SGK1: variants seen among roughly 807,000 people sequenced by gnomAD.
SGK1 encodes the protein serum/glucocorticoid regulated kinase 1, also known as serine/threonine-protein kinase Sgk1.
In SGK1, 26 loss-of-function variants were observed where a neutral mutation model predicts 64.2. The ratio of observed to expected loss-of-function variants is 0.40; its 90% CI spans 0.30 to 0.56. SGK1 has a LOEUF of 0.56. Among genes scored for constraint, SGK1 ranks in the 20% least tolerant of loss-of-function variants. The probability of loss-of-function intolerance (pLI) is 0.38; values close to 1 mark genes in which losing one functional copy is unlikely to be tolerated. For synonymous variants in SGK1, 265 were observed against 239.7 expected (o/e 1.11, Z -0.98); for missense variants, 519 against 645.6 (o/e 0.80, Z 2.12).
intron 1 of SGK1, among the ~76,000 whole-genome samples, chr6:134,268,366 CTGTT>C (rs1420079502): frequency 1.3e-5 from 2 of 152,188 alleles, no homozygotes; most frequent in African/African-American, 4.8e-5. Context: ...AGCTACACAA[CTGTT>C]TGTGAAGCGC....
rs1193481902 is a variant in SGK1 at position 134,301,526 on chromosome 6, CTCTTT to C, written c.69+15861_69+15865del. On this transcript the variant is annotated intron_variant, in intron 1 of 13. Coordinates refer to ENST00000367858, the MANE Select transcript of SGK1 (RefSeq NM_001143676.3). ...ACCACCTTTTCTTCTCTTCTCTTTT[CTCTTT>C]TCTTCTCTTCTCTTCTCTTCTCTTC... Among the ~76,000 whole-genome samples the C allele has an allele frequency of 3.6e-3, 383 of 106,718 alleles. 4 individuals are homozygous for C. The highest frequency in any genetic ancestry group is 0.035 in the South Asian group (124 of 3,566). 70.0% of individuals were successfully genotyped at this position (106,718 alleles called of 152,430 possible).
chr6:134,186,657 C>G (rs1775428081), intron 3 of SGK1, among the ~76,000 whole-genome samples: 1 of 152,164 alleles, frequency 6.6e-6, no homozygotes, highest in African/African-American at 2.4e-5. Context: ...CTTTATGTGG[C>G]AGGTGACCCA....
chr6:134,242,684 C>T (rs542892940), intron 2 of SGK1, among the ~76,000 whole-genome samples: 11 of 151,082 alleles, frequency 7.3e-5, no homozygotes, highest in East Asian at 3.9e-4. Flanking sequence ...AGGCTGGTCT[C>T]GAACTCCTGG....
At chr6:134,208,142 C>T (rs1186826078) in intron 2 of SGK1, among the ~76,000 whole-genome samples, 1 of 152,108 alleles carries the variant, frequency 6.6e-6, no homozygotes, top group Non-Finnish European at 1.5e-5. Context: ...GAACTCCTGA[C>T]CTCAAATGAT....
intron 1 of SGK1, among the ~76,000 whole-genome samples, chr6:134,268,358 C>A (rs1462998654): frequency 6.6e-6 from 1 of 152,200 alleles, no homozygotes; most frequent in Non-Finnish European, 1.5e-5. Flanking sequence ...TTATTCAGAG[C>A]TACACAACTG....
chr6:134,260,767 T>C (rs1776755773), intron 2 of SGK1: 1 of 107,556 alleles, frequency 9.3e-6, no homozygotes. Flanking sequence ...AGATTTAATG[T>C]CTTCAGTCTT....
intron 2 of SGK1, among the ~76,000 whole-genome samples, chr6:134,245,122 G>C (rs1776507594): frequency 6.6e-6 from 1 of 151,990 alleles, no homozygotes. Context: ...TTTGTTTTTT[G>C]TTTAGAGATG....
rs781575804 is a variant in SGK1, at chr6:134,170,973, G to T, written c.1323+50C>A. 8.7e-6 allele frequency: 14 copies of T among 1,610,292 alleles called. No homozygotes were observed. The East Asian group carries it at 2.9e-4, about 33-fold the overall frequency. On this transcript the variant is annotated intron_variant, in intron 12 of 13. Coordinates refer to ENST00000367858, the MANE Select transcript of SGK1 (RefSeq NM_001143676.3). ...AGGTGCATTCAATAAGGGCAGGGAG[G>T]TCTAGTGCACGTCCCGGCCGGCCCA...
intron 3 of SGK1, chr6:134,174,844 AAG>A: frequency 6.2e-7 from 1 of 1,613,248 alleles, no homozygotes; most frequent in East Asian, 2.2e-5. Flanking sequence ...TTAGCGCTCA[AAG>A]ACCGGCTCGG....
At chr6:134,201,625 G>A (rs1775686153) in intron 3 of SGK1, among the ~76,000 whole-genome samples, 1 of 152,134 alleles carries the variant, frequency 6.6e-6, no homozygotes, top group South Asian at 2.1e-4. Flanking sequence ...GCCTCCCAAA[G>A]TGCTGGGATT....
intron 1 of SGK1, among the ~76,000 whole-genome samples, chr6:134,307,932 C>G (rs880692): frequency 0.19 from 29,090 of 152,174 alleles, 3,625 homozygotes; most frequent in East Asian, 0.55. Context: ...TATTGAGCGT[C>G]TACTACACAC....
At chr6:134,183,516 G>A (rs977315090) in intron 3 of SGK1, among the ~76,000 whole-genome samples, 5 of 152,198 alleles carry the variant, frequency 3.3e-5, no homozygotes, top group African/African-American at 4.8e-5. Context: ...CTGTACTCAG[G>A]GAGGGTGTGG....
At chr6:134,224,980 A>G (rs1776146958) in intron 2 of SGK1, among the ~76,000 whole-genome samples, 1 of 142,676 alleles carries the variant, frequency 7.0e-6, no homozygotes, top group Admixed American at 7.8e-5. Context: ...AGATGGTGAC[A>G]CTGCATTCCA....
At chr6:134,255,164 C>T (rs1284850684) in intron 2 of SGK1, among the ~76,000 whole-genome samples, 4 of 152,094 alleles carry the variant, frequency 2.6e-5, no homozygotes, top group South Asian at 2.1e-4. Context: ...CCACCGTGCC[C>T]GGCTACAAAT....
At chr6:134,311,212 G>C (rs540974977) in intron 1 of SGK1, among the ~76,000 whole-genome samples, 1 of 152,222 alleles carries the variant, frequency 6.6e-6, no homozygotes, top group Non-Finnish European at 1.5e-5. Flanking sequence ...GAAGACGGAG[G>C]AGGAAGGAGA....
rs1775434935 is a variant in SGK1, at chr6:134,186,965, C to T, written c.362-12379G>A. ...CCGAGTAGCTGGGATTACAGGCACCCACCACTATGCCCGGCTAATTTTTGT... is the reference window on the plus strand; with the variant it reads ...CCGAGTAGCTGGGATTACAGGCACCTACCACTATGCCCGGCTAATTTTTGT... On this transcript the variant is annotated intron_variant, in intron 3 of 13. Transcript: ENST00000367858. 7.2e-5 allele frequency among the ~76,000 whole-genome samples: 11 copies of T among 152,106 alleles called. No individual in the cohort carries two copies. The South Asian group carries it at 2.1e-3, about 29-fold the overall frequency.
At chr6:134,171,300 C>A (rs1027732767) in intron 11 of SGK1, 122 bp from the exon 12 acceptor site, 2 of 911,970 alleles carry the variant, frequency 2.2e-6, no homozygotes, top group Non-Finnish European at 1.7e-6. Context: ...CTCTCCCCAC[C>A]TCAATGCTTT....
chr6:134,264,419 A>G (rs1305354507), intron 1 of SGK1, among the ~76,000 whole-genome samples: 2 of 151,944 alleles, frequency 1.3e-5, no homozygotes, highest in Non-Finnish European at 2.9e-5. Flanking sequence ...GCGCCTGGCC[A>G]TGAGCATGCA....
At chr6:134,304,313 T>G (rs1164744958) in intron 1 of SGK1, among the ~76,000 whole-genome samples, 1 of 152,204 alleles carries the variant, frequency 6.6e-6, no homozygotes, top group Non-Finnish European at 1.5e-5. Context: ...GGTAGTTTGC[T>G]TTGCAATAAT....
Sources: gnomAD v4.1 joint callset for allele counts (sites outside exome capture counted in the v4.1 genomes callset) on GRCh38, gnomAD v4.1.1 for gene constraint, MANE v1.5 for transcripts, NCBI Gene and HGNC (gene_info 2026-07-23, HGNC 2026-07-21) for gene names.